The following GTF2IRD1 variants were observed in gnomAD, a reference collection of about 807,000 sequenced individuals.
The protein encoded by GTF2IRD1 is general transcription factor II-I repeat domain-containing protein 1.
Under a neutral mutation model 113.2 loss-of-function variants are expected in GTF2IRD1, and 26 were observed. The observed-to-expected ratio is 0.23, with a 90% CI of 0.17 to 0.32. GTF2IRD1 has a LOEUF of 0.32. GTF2IRD1 is among the 10% of genes least tolerant of loss of function. The pLI, the probability that GTF2IRD1 is intolerant of heterozygous loss-of-function variation, is 1.00. For missense variants in GTF2IRD1, 864 were observed against 1,280.8 expected (o/e 0.67, Z 4.97); for synonymous variants, 484 against 529.1 (o/e 0.91, Z 1.17).
intron 1 of GTF2IRD1, among the ~76,000 whole-genome samples, chr7:74,489,099 G>A (rs1243752531): frequency 6.8e-6 from 1 of 147,854 alleles, no homozygotes; most frequent in Non-Finnish European, 1.5e-5. Flanking sequence ...CCAAGATCGT[G>A]CCACTGCACT....
chr7:74,536,060 C>T, intron 10 of GTF2IRD1, 107 bp from the exon 11 acceptor site: 1 of 723,820 alleles, frequency 1.4e-6, no homozygotes, highest in South Asian at 1.6e-5. Context: ...AGGCCAGGCC[C>T]TATCCCCGGG....
At chr7:74,519,275 A>C in intron 5 of GTF2IRD1, 134 bp from the exon 6 acceptor site, 3 of 578,682 alleles carry the variant, frequency 5.2e-6, no homozygotes, top group Non-Finnish European at 8.8e-6. Flanking sequence ...GAAGTGGAAG[A>C]GCAGCTCCTG....
At chr7:74,484,943 G>A (rs1794940139) in intron 1 of GTF2IRD1, among the ~76,000 whole-genome samples, 3 of 152,208 alleles carry the variant, frequency 2.0e-5, no homozygotes, top group Admixed American at 2.0e-4. Flanking sequence ...TTGCTGTAAT[G>A]AGGGATCTCA....
chr7:74,495,698 G>A (rs930219951), intron 1 of GTF2IRD1, among the ~76,000 whole-genome samples: 12 of 152,116 alleles, frequency 7.9e-5, no homozygotes, highest in Non-Finnish European at 1.6e-4. Flanking sequence ...AGGTGTTGAC[G>A]AGCCCACAAG....
At chr7:74,456,431 C>T (rs1237680986) in intron 1 of GTF2IRD1, among the ~76,000 whole-genome samples, 3 of 152,178 alleles carry the variant, frequency 2.0e-5, no homozygotes, top group African/African-American at 7.2e-5. Flanking sequence ...CGCCTGTAAT[C>T]CCAGCACTTT....
intron 1 of GTF2IRD1, among the ~76,000 whole-genome samples, chr7:74,504,359 G>A (rs902010963): frequency 3.6e-4 from 55 of 152,218 alleles, no homozygotes; most frequent in African/African-American, 1.3e-3. Flanking sequence ...TGCTCCCTGC[G>A]TTGCAGTGTG....
chr7:74,531,925 T>C (rs1464216775), intron 9 of GTF2IRD1, among the ~76,000 whole-genome samples: 1 of 152,122 alleles, frequency 6.6e-6, no homozygotes, highest in African/African-American at 2.4e-5. Context: ...ATGTCTGTAT[T>C]CCTACTGGGA....
chr7:74,515,304 CTTCA>C (rs1554344302), intron 3 of GTF2IRD1, 133 bp from the exon 4 acceptor site: 8 of 1,513,196 alleles, frequency 5.3e-6, no homozygotes, highest in Non-Finnish European at 7.1e-6. Flanking sequence ...CTCATTAATT[CTTCA>C]TTCATTCATT....
chr7:74,544,841 C>A, intron 15 of GTF2IRD1, 39 bp downstream of exon 15: 2 of 1,555,056 alleles, frequency 1.3e-6, no homozygotes, highest in African/African-American at 1.4e-5. Flanking sequence ...ACACCCACCC[C>A]CACCCCATCT....
intron 1 of GTF2IRD1, among the ~76,000 whole-genome samples, chr7:74,488,352 C>T (rs1449989541): frequency 6.6e-6 from 1 of 152,194 alleles, no homozygotes; most frequent in Non-Finnish European, 1.5e-5. Flanking sequence ...GATGTAGGCT[C>T]TTCAGCTGCA....
At chr7:74,484,167 A>C (rs1794891572) in intron 1 of GTF2IRD1, among the ~76,000 whole-genome samples, 2 of 152,196 alleles carry the variant, frequency 1.3e-5, no homozygotes, top group Non-Finnish European at 2.9e-5. Context: ...TGTGTCCCTA[A>C]ATTCTCTGTC....
rs1344053294 is a variant in GTF2IRD1 at position 74,581,057 on chromosome 7, T to C, written c.2321-8794T>C. Reference sequence around the variant, plus strand: ...GGGGGGAGACGGAGTTTTGCTCTTGTTGCCCAGGCTGGAGTGCAGTGGCGC... The same window carrying C: ...GGGGGGAGACGGAGTTTTGCTCTTGCTGCCCAGGCTGGAGTGCAGTGGCGC... On this transcript the variant is annotated intron_variant, in intron 22 of 26. Transcript: ENST00000424337. Among the ~76,000 whole-genome samples, 5 of 152,124 alleles carry C rather than the reference T, an allele frequency of 3.3e-5. No individual in the cohort carries two copies. The East Asian group carries it at 5.8e-4, about 18-fold the overall frequency.
intron 17 of GTF2IRD1, among the ~76,000 whole-genome samples, chr7:74,549,731 A>G (rs1233725150): frequency 2.6e-5 from 4 of 151,302 alleles, no homozygotes; most frequent in African/African-American, 9.7e-5. Context: ...TGAGATCAGG[A>G]CTACTGAAAA....
chr7:74,585,459 G>C (rs1468867130), intron 22 of GTF2IRD1, among the ~76,000 whole-genome samples: 1 of 152,082 alleles, frequency 6.6e-6, no homozygotes, highest in East Asian at 1.9e-4. Context: ...CTGTCCTGCA[G>C]GTTTCGTAGA....
chr7:74,505,287 C>G (rs1166494601), intron 1 of GTF2IRD1, among the ~76,000 whole-genome samples: 2 of 152,230 alleles, frequency 1.3e-5, no homozygotes, highest in Admixed American at 6.5e-5. Flanking sequence ...GGGCCTGGGT[C>G]TCATCTTCCC....
At chr7:74,540,556 C>G (rs142456899) in intron 14 of GTF2IRD1, among the ~76,000 whole-genome samples, 109 of 152,058 alleles carry the variant, frequency 7.2e-4, no homozygotes, top group Non-Finnish European at 1.4e-3. Flanking sequence ...TGTACCAGGT[C>G]CTGTGTAAGG....
chr7:74,537,447 A>G (rs1417823990), intron 11 of GTF2IRD1, among the ~76,000 whole-genome samples: 8 of 152,160 alleles, frequency 5.3e-5, no homozygotes, highest in East Asian at 1.9e-4. Context: ...GGATGCATGT[A>G]TACATACCTA....
chr7:74,562,825 G>GACCT (rs1800062786), intron 22 of GTF2IRD1, among the ~76,000 whole-genome samples: 1 of 151,962 alleles, frequency 6.6e-6, no homozygotes, highest in Non-Finnish European at 1.5e-5. Context: ...CAAGTGATCC[G>GACCT]CCCATCTTGA....
In GTF2IRD1 at chr7:74,479,936, G is replaced by A. The variant is rs182619706; in HGVS notation, c.-7+25760G>A. 1.7e-3 allele frequency among the ~76,000 whole-genome samples: 264 copies of A among 151,770 alleles called. 2 individuals carry two copies. The highest frequency in any genetic ancestry group is 5.3e-3 in the Admixed American group (80 of 15,218). On this transcript the variant is annotated intron_variant, in intron 1 of 26. Coordinates refer to ENST00000424337, the MANE Select transcript of GTF2IRD1 (RefSeq NM_005685.4). ...TAATTTTTGTATTTTTAGTAGAGAC[G>A]GGGTTTTGCCATGTTGGCCAGGCTG...
Sources: allele counts gnomAD v4.1 joint callset (sites outside exome capture counted in the v4.1 genomes callset), GRCh38; gene constraint gnomAD v4.1.1; transcripts MANE v1.5; gene names NCBI Gene and HGNC (gene_info 2026-07-23, HGNC 2026-07-21).